DNTTIP1: variants seen among roughly 807,000 people sequenced by gnomAD.
DNTTIP1 encodes deoxynucleotidyltransferase terminal interacting protein 1, also known as deoxynucleotidyltransferase terminal-interacting protein 1.
DNTTIP1 carries 22 observed loss-of-function variants against 52.9 expected under a neutral mutation model. The ratio of observed to expected loss-of-function variants is 0.42; its 90% CI spans 0.30 to 0.59. DNTTIP1 has a LOEUF of 0.59. DNTTIP1 is among the 20% of genes least tolerant of loss of function. DNTTIP1 has a pLI of 0.22. For missense variants in DNTTIP1, 286 were observed against 435.5 expected (o/e 0.66, Z 3.06); for synonymous variants, 136 against 155.1 (o/e 0.88, Z 0.92).
chr20:45,799,952 C>CAAAAAAAA (rs11360135), intron 4 of DNTTIP1, among the ~76,000 whole-genome samples: 1 of 125,494 alleles, frequency 8.0e-6, no homozygotes. Flanking sequence ...CTAAAAATAC[C>CAAAAAAAA]AAAAAAAAAA....
At chr20:45,801,295 C>A in intron 5 of DNTTIP1, 107 bp from the exon 6 acceptor site, 4 of 1,444,598 alleles carry the variant, frequency 2.8e-6, no homozygotes, top group Non-Finnish European at 3.9e-6. Flanking sequence ...TGGCCTGGGT[C>A]AGAGCGGGGC....
At position 45,791,986 on chromosome 20, in the gene DNTTIP1, T is replaced by TGTGGGGGCCGGGGGCGCC; in HGVS notation, c.-18_-1dup. 1 of 1,242,210 alleles carries TGTGGGGGCCGGGGGCGCC rather than the reference T, an allele frequency of 8.1e-7. No homozygotes were observed. The allele number at this position is 1,242,210 out of a possible 1,614,324, so 76.9% of individuals were successfully genotyped here. ...GGCCGGTGACAGAGTCCAGCGGAGT[T>TGTGGGGGCCGGGGGCGCC]GTGGGGGCCGGGGGCGCCATGGGAG... On this transcript the variant is annotated 5_prime_UTR_variant, in exon 1 of 13. Transcript: ENST00000372622.
chr20:45,800,931 T>A, intron 4 of DNTTIP1, 143 bp from the exon 5 acceptor site: 1 of 680,272 alleles, frequency 1.5e-6, no homozygotes, highest in South Asian at 1.8e-5. Context: ...GAGATGGAGG[T>A]TGCAGAGAGC....
intron 7 of DNTTIP1, 92 bp from the exon 8 acceptor site, chr20:45,803,241 T>A (rs1981530175): frequency 8.1e-6 from 10 of 1,236,392 alleles, no homozygotes; most frequent in African/African-American, 1.5e-5. Flanking sequence ...AAAGTGAGAG[T>A]GTGTGAGGAA....
chr20:45,804,136 C>T (rs1981562012), intron 8 of DNTTIP1, among the ~76,000 whole-genome samples: 1 of 152,190 alleles, frequency 6.6e-6, no homozygotes, highest in Non-Finnish European at 1.5e-5. Context: ...ACTTGTTTAT[C>T]CTACTATCTG....
chr20:45,806,719 C>G (rs1485317017), intron 10 of DNTTIP1, among the ~76,000 whole-genome samples: 1 of 152,242 alleles, frequency 6.6e-6, no homozygotes, highest in Non-Finnish European at 1.5e-5. Context: ...CGCTTCTTCT[C>G]CAGTCTGATA....
In DNTTIP1 at chr20:45,793,858, G is replaced by A. The variant is rs2145696529; in HGVS notation, c.177-63G>A. The A allele has an allele frequency of 3.0e-6, 3 of 1,016,834 alleles. No individual in the cohort carries two copies. The South Asian group carries it at 5.1e-5, about 17-fold the overall frequency. 63.0% of individuals were successfully genotyped at this position (1,016,834 alleles called of 1,614,324 possible). A position where few individuals can be genotyped will look rare whatever the true frequency, so the allele number is the denominator to read the frequency against. On this transcript the variant is annotated intron_variant, in intron 2 of 12. Transcript: ENST00000372622. Reference sequence around the variant, plus strand: ...GGAATTCTATGTCCATAATTAACTGGGGAGGCTGGGAAAGAATATGTTTGG... The same window carrying A: ...GGAATTCTATGTCCATAATTAACTGAGGAGGCTGGGAAAGAATATGTTTGG...
intron 8 of DNTTIP1, among the ~76,000 whole-genome samples, chr20:45,804,149 T>C (rs1345529360): frequency 6.6e-6 from 1 of 152,232 alleles, no homozygotes; most frequent in Non-Finnish European, 1.5e-5. Flanking sequence ...ACTATCTGCT[T>C]GACCACTCTG....
chr20:45,801,036 A>G (rs775108186), intron 4 of DNTTIP1, 38 bp from the exon 5 acceptor site: 1 of 1,598,550 alleles, frequency 6.3e-7, no homozygotes, highest in South Asian at 1.1e-5. Flanking sequence ...TTACCCACCA[A>G]AATAGTGACT....
rs2868349 is a variant in DNTTIP1, at chr20:45,795,159, G to C, written c.274-186G>C. On this transcript the variant is annotated intron_variant, in intron 3 of 12. Transcript: ENST00000372622. ...CACCCCCACGATTATATCCGTAAGA[G>C]GGGGAATAAAGGGAGGAGGTCAAGC... Among the ~76,000 whole-genome samples, 11 of 152,136 alleles carry C rather than the reference G, an allele frequency of 7.2e-5. 1 individual carries two copies. Among genetic ancestry groups the C allele is most frequent in the African/African-American group, 2.4e-4 (10 of 41,478 alleles).
At position 45,791,996 on chromosome 20, in the gene DNTTIP1, G is replaced by T. The variant is rs773099166; in HGVS notation, c.-9G>T. The T allele has an allele frequency of 8.0e-7, 1 of 1,249,958 alleles. No individual in the cohort carries two copies. Among genetic ancestry groups the T allele is most frequent in the Admixed American group, 3.6e-5 (1 of 27,706 alleles). The allele number at this position is 1,249,958 out of a possible 1,614,324, so 77.4% of individuals were successfully genotyped here. A position where few individuals can be genotyped will look rare whatever the true frequency, so the allele number is the denominator to read the frequency against. On this transcript the variant is annotated 5_prime_UTR_variant, in exon 1 of 13. Transcript: ENST00000372622. ...AGAGTCCAGCGGAGTTGTGGGGGCC[G>T]GGGGCGCCATGGGAGCCACTGGCGA...
chr20:45,800,952 C>T (rs1981446495), intron 4 of DNTTIP1, 122 bp from the exon 5 acceptor site: 1 of 793,278 alleles, frequency 1.3e-6, no homozygotes, highest in South Asian at 1.6e-5. Flanking sequence ...CAAGATGGTG[C>T]TGCTGCACTC....
At chr20:45,800,223 G>A (rs1343778394) in intron 4 of DNTTIP1, among the ~76,000 whole-genome samples, 25 of 152,066 alleles carry the variant, frequency 1.6e-4, no homozygotes, top group Admixed American at 1.6e-3. Flanking sequence ...CATGGGAAAA[G>A]CAAGGAAGAA....
intron 6 of DNTTIP1, 54 bp from the exon 7 acceptor site, chr20:45,801,945 G>C (rs1785593393): frequency 1.2e-5 from 18 of 1,560,498 alleles, no homozygotes; most frequent in Non-Finnish European, 1.6e-5. Flanking sequence ...CCTGCCAATG[G>C]GGTATGGGGA....
At chr20:45,806,098 G>A (rs2145704865) in intron 10 of DNTTIP1, among the ~76,000 whole-genome samples, 1 of 151,756 alleles carries the variant, frequency 6.6e-6, no homozygotes, top group African/African-American at 2.4e-5. Context: ...GCTCACGCCT[G>A]TAATCCCAGC....
At chr20:45,810,314 T>C (rs1416339928) in intron 11 of DNTTIP1, among the ~76,000 whole-genome samples, 3 of 152,222 alleles carry the variant, frequency 2.0e-5, no homozygotes, top group Non-Finnish European at 4.4e-5. Flanking sequence ...AAAGCATTTC[T>C]ACAGGCCCCA....
Position 45,801,098 on chromosome 20 carries a change from G to A in DNTTIP1, c.397G>A (p.Glu133Lys). 6.2e-7 allele frequency: 1 copy of A among 1,614,096 alleles called. No individual in the cohort carries two copies. The highest frequency in any genetic ancestry group is 1.6e-4 in the Middle Eastern group (1 of 6,062). ...EQAKLLFSDG[E>K]KVIPRLTHEL... ...GGCTAAACTGCTCTTTTCAGATGGA[G>A]AAAAAGTAATACCCAGATTGACCCA... is the stretch of plus-strand genomic sequence containing the variant. The change falls in exon 5 of 13, where the codon GAA (glutamate) becomes AAA (lysine). Residue 133 changes from glutamate to lysine, a missense_variant. Glu to Lys is a moderately conservative substitution (Grantham distance 56). Transcript: ENST00000372622.
chr20:45,793,382 G>C (rs1335131471), intron 2 of DNTTIP1, among the ~76,000 whole-genome samples: 1 of 151,418 alleles, frequency 6.6e-6, no homozygotes, highest in Non-Finnish European at 1.5e-5. Flanking sequence ...GACCAACATG[G>C]AGAAACCCCG....
intron 10 of DNTTIP1, among the ~76,000 whole-genome samples, chr20:45,807,714 AG>A (rs1261524639): frequency 2.0e-5 from 3 of 152,108 alleles, no homozygotes; most frequent in African/African-American, 7.2e-5. Flanking sequence ...TGGGAGCCCG[AG>A]GCAGGCGGGT....
Sources: gnomAD v4.1 joint callset for allele counts (sites outside exome capture counted in the v4.1 genomes callset) on GRCh38, gnomAD v4.1.1 for gene constraint, MANE v1.5 for transcripts, NCBI Gene and HGNC (gene_info 2026-07-23, HGNC 2026-07-21) for gene names.